The following SUMF1 variants were observed in gnomAD, a reference collection of about 807,000 sequenced individuals.
SUMF1 encodes formylglycine-generating enzyme.
SUMF1 carries 48 observed loss-of-function variants against 47.6 expected under a neutral mutation model. The observed-to-expected ratio is 1.01, with a 90% confidence interval of 0.80 to 1.28. SUMF1 has a LOEUF of 1.28. SUMF1 is among the 50% of genes most tolerant of loss of function. The pLI is 0.00. For missense variants in SUMF1, 571 were observed against 485.4 expected (o/e 1.18, Z -1.66); for synonymous variants, 230 against 192.1 (o/e 1.20, Z -1.63).
At chr3:4,281,764 A>G (rs1575049863) in intron 8 of SUMF1, among the ~76,000 whole-genome samples, 1 of 152,206 alleles carries the variant, frequency 6.6e-6, no homozygotes, top group Non-Finnish European at 1.5e-5. Flanking sequence ...TAAACCAATA[A>G]AAGTTATTAC....
intron 9 of SUMF1, among the ~76,000 whole-genome samples, chr3:4,041,292 G>C (rs1250115336): frequency 6.6e-6 from 1 of 152,120 alleles, no homozygotes; most frequent in Non-Finnish European, 1.5e-5. Context: ...GGCTGGTCTT[G>C]AACTCCTGAC....
chr3:4,075,112 C>G (rs532304433), intron 8 of SUMF1, among the ~76,000 whole-genome samples: 1 of 152,200 alleles, frequency 6.6e-6, no homozygotes, highest in Non-Finnish European at 1.5e-5. Flanking sequence ...TACTGGCAAA[C>G]TGAATCCAGC....
intron 7 of SUMF1, among the ~76,000 whole-genome samples, chr3:4,397,812 G>A (rs1267796371): frequency 2.0e-5 from 3 of 152,054 alleles, no homozygotes; most frequent in Non-Finnish European, 2.9e-5. Context: ...CCATGGATTA[G>A]ATTTCAGAGT....
intron 8 of SUMF1, among the ~76,000 whole-genome samples, chr3:4,280,483 A>G (rs1697505088): frequency 6.6e-6 from 1 of 151,542 alleles, no homozygotes; most frequent in Admixed American, 6.6e-5. Flanking sequence ...AAGCCAGATA[A>G]TCTAATAGAG....
chr3:4,067,307 T>C (rs1254316401), intron 9 of SUMF1, among the ~76,000 whole-genome samples: 1 of 152,180 alleles, frequency 6.6e-6, no homozygotes, highest in Non-Finnish European at 1.5e-5. Context: ...GGGATGACAC[T>C]ATATTCTAGC....
At chr3:4,447,403 T>C (rs1702817255) in intron 3 of SUMF1, among the ~76,000 whole-genome samples, 2 of 152,176 alleles carry the variant, frequency 1.3e-5, no homozygotes, top group Admixed American at 1.3e-4. Flanking sequence ...GATTCAGGTC[T>C]TTCTTTCTAA....
intron 8 of SUMF1, among the ~76,000 whole-genome samples, chr3:4,134,781 A>G (rs916538664): frequency 3.9e-5 from 6 of 152,152 alleles, no homozygotes; most frequent in African/African-American, 1.2e-4. Context: ...AAAAAATGAT[A>G]AAGGGGGTAT....
intron 6 of SUMF1, among the ~76,000 whole-genome samples, chr3:4,413,651 A>G (rs771308968): frequency 9.9e-5 from 15 of 151,990 alleles, no homozygotes; most frequent in Admixed American, 1.3e-4. Flanking sequence ...GTTAAAGCCA[A>G]AATTAATCAT....
rs549037059 is a variant in SUMF1, at chr3:4,227,183, C to T, written c.1014+149147G>A. On this transcript the variant is annotated intron_variant and NMD_transcript_variant, in intron 8 of 12. Coordinates refer to the SUMF1 transcript ENST00000448413. ...TGGGTATAACGATATGGTTACAACA[C>T]ATCCGTCTCCTTCCTTTTCACACAC... Among the ~76,000 whole-genome samples, 97 of 152,220 alleles carry T rather than the reference C, an allele frequency of 6.4e-4. 2 individuals are homozygous for T. Among genetic ancestry groups the T allele is most frequent in the African/African-American group, 2.3e-3 (94 of 41,560 alleles).
At chr3:4,441,142 C>T (rs1215425756) in intron 3 of SUMF1, among the ~76,000 whole-genome samples, 4 of 152,212 alleles carry the variant, frequency 2.6e-5, no homozygotes, top group Middle Eastern at 3.4e-3. Flanking sequence ...GCCCGCTCCT[C>T]GTTGTTTGCG....
At chr3:4,280,871 G>A (rs1430764176) in intron 8 of SUMF1, among the ~76,000 whole-genome samples, 1 of 130,786 alleles carries the variant, frequency 7.6e-6, no homozygotes, top group African/African-American at 2.9e-5. Flanking sequence ...GTGTGTGTGT[G>A]TTCTGTGTCC....
chr3:4,034,500 C>T (rs1382103333), intron 9 of SUMF1, among the ~76,000 whole-genome samples: 2 of 152,140 alleles, frequency 1.3e-5, no homozygotes, highest in Non-Finnish European at 2.9e-5. Flanking sequence ...CTCAAAATTA[C>T]TTGTGTTGCC....
chr3:4,092,287 A>G (rs550184492), intron 8 of SUMF1, among the ~76,000 whole-genome samples: 13 of 152,180 alleles, frequency 8.5e-5, no homozygotes, highest in African/African-American at 2.9e-4. Flanking sequence ...AGGACTTGAA[A>G]TCACCAGAAG....
chr3:4,304,972 TG>T lies in SUMF1; in HGVS notation c.1014+71357del, dbSNP rs1023909563. On this transcript the variant is annotated intron_variant and NMD_transcript_variant, in intron 8 of 12. Coordinates refer to the SUMF1 transcript ENST00000448413. ...CAGAAGGCGGGGCAACTCAAAGTGG[TG>T]GGGGGGGCTTCCAGACTATAGGTAG... Among the ~76,000 whole-genome samples the T allele has an allele frequency of 6.6e-5, 9 of 135,346 alleles. No individual in the cohort carries two copies. The East Asian group carries it at 8.8e-4, about 13-fold the overall frequency. The allele number at this position is 135,346 out of a possible 152,430, so 88.8% of individuals were successfully genotyped here. A position where few individuals can be genotyped will look rare whatever the true frequency, so the allele number is the denominator to read the frequency against.
At chr3:4,082,592 G>T (rs1318593132) in intron 8 of SUMF1, among the ~76,000 whole-genome samples, 1 of 152,042 alleles carries the variant, frequency 6.6e-6, no homozygotes, top group African/African-American at 2.4e-5. Flanking sequence ...CTGAGACAAG[G>T]ATTGCTGATG....
chr3:4,168,246 C>T (rs1358006944), intron 8 of SUMF1, among the ~76,000 whole-genome samples: 1 of 152,176 alleles, frequency 6.6e-6, no homozygotes, highest in African/African-American at 2.4e-5. Flanking sequence ...CGTGGACAAA[C>T]TCTACATTTA....
In SUMF1 at chr3:4,303,573, C is replaced by G. The variant is rs752129485; in HGVS notation, c.1014+72757G>C. The G allele has an allele frequency of 2.5e-5, 33 of 1,346,468 alleles. No individual in the cohort carries two copies. The Admixed American group carries it at 7.1e-4, about 29-fold the overall frequency. 83.4% of individuals were successfully genotyped at this position (1,346,468 alleles called of 1,614,324 possible). ...GCGGGAGGCGGGCGCGCGGCTCCCC[C>G]ACGTGGTCTCCTCAAGCCGCCTCGC... On this transcript the variant is annotated intron_variant and NMD_transcript_variant, in intron 8 of 12. Coordinates refer to the SUMF1 transcript ENST00000448413.
intron 8 of SUMF1, among the ~76,000 whole-genome samples, chr3:4,204,697 G>A (rs1444736379): frequency 1.3e-5 from 2 of 151,718 alleles, no homozygotes; most frequent in Non-Finnish European, 2.9e-5. Context: ...TCCTCTGCTT[G>A]TGTATTTTCA....
chr3:4,205,454 T>C (rs1389110030), intron 8 of SUMF1, among the ~76,000 whole-genome samples: 7 of 152,194 alleles, frequency 4.6e-5, no homozygotes, highest in Non-Finnish European at 8.8e-5. Flanking sequence ...AGTTATGTTT[T>C]CTGGATGGTC....
Sources: allele counts gnomAD v4.1 joint callset (sites outside exome capture counted in the v4.1 genomes callset), GRCh38; gene constraint gnomAD v4.1.1; transcripts MANE v1.5; gene names NCBI Gene and HGNC (gene_info 2026-07-23, HGNC 2026-07-21).